The following SYNPR variants were observed in gnomAD, a reference collection of about 807,000 sequenced individuals.
SYNPR encodes synaptoporin.
Under a neutral mutation model 32.9 loss-of-function variants are expected in SYNPR, and 23 were observed. The ratio of observed to expected loss-of-function variants is 0.70; its 90% CI spans 0.50 to 0.99. SYNPR has a LOEUF of 0.99. Among genes scored for constraint, SYNPR ranks in the 50% least tolerant of loss-of-function variants. The pLI is 0.00. For synonymous variants in SYNPR, 146 were observed against 135.9 expected (o/e 1.07, Z -0.52); for missense variants, 318 against 349.3 (o/e 0.91, Z 0.71).
chr3:63,317,180 T>G (rs1282959309), intron 2 of SYNPR, among the ~76,000 whole-genome samples: 2 of 152,068 alleles, frequency 1.3e-5, no homozygotes, highest in Non-Finnish European at 1.5e-5. Context: ...GAAAGTTCCA[T>G]GCACTGTTGA....
intron 3 of SYNPR, among the ~76,000 whole-genome samples, chr3:63,529,284 A>T (rs2106786007): frequency 6.6e-6 from 1 of 152,362 alleles, no homozygotes; most frequent in East Asian, 1.9e-4. Context: ...GATTACTTAT[A>T]ATAGTAAATG....
chr3:63,419,699 G>C (rs766335417), intron 2 of SYNPR, among the ~76,000 whole-genome samples: 1 of 152,196 alleles, frequency 6.6e-6, no homozygotes, highest in Non-Finnish European at 1.5e-5. Flanking sequence ...GTTGCCCCAT[G>C]AAGTGGGTCA....
chr3:63,573,046 T>A (rs1200685657), intron 4 of SYNPR, among the ~76,000 whole-genome samples: 1 of 151,944 alleles, frequency 6.6e-6, no homozygotes, highest in East Asian at 1.9e-4. Context: ...CCTCAGGGAG[T>A]CAGCAAAGAA....
intron 2 of SYNPR, among the ~76,000 whole-genome samples, chr3:63,332,680 G>T (rs1337571656): frequency 6.6e-6 from 1 of 152,134 alleles, no homozygotes; most frequent in African/African-American, 2.4e-5. Flanking sequence ...CTGGAATATA[G>T]GTTCCATCAT....
At chr3:63,278,603 C>T in intron 1 of SYNPR, 52 bp downstream of exon 1, 1 of 1,550,460 alleles carries the variant, frequency 6.4e-7, no homozygotes, top group Non-Finnish European at 8.7e-7. Flanking sequence ...GCGGGGGATG[C>T]CGCGGCTTGG....
At chr3:63,280,239 T>G (rs1275658274) in intron 2 of SYNPR, among the ~76,000 whole-genome samples, 1 of 152,202 alleles carries the variant, frequency 6.6e-6, no homozygotes, top group Non-Finnish European at 1.5e-5. Flanking sequence ...CCATTGTTCC[T>G]CACACAGCCT....
At chr3:63,533,826 C>G (rs1575696776) in intron 3 of SYNPR, among the ~76,000 whole-genome samples, 1 of 152,228 alleles carries the variant, frequency 6.6e-6, no homozygotes, top group East Asian at 1.9e-4. Context: ...CGAATAGACC[C>G]TTCCATAAAA....
At chr3:63,448,459 C>T (rs1700319870) in intron 2 of SYNPR, among the ~76,000 whole-genome samples, 1 of 152,208 alleles carries the variant, frequency 6.6e-6, no homozygotes, top group Non-Finnish European at 1.5e-5. Flanking sequence ...GCAAGGACTT[C>T]TTAAGTCACC....
chr3:63,269,163 T>C (rs373485682), intron 3 of SYNPR, among the ~76,000 whole-genome samples: 10 of 152,298 alleles, frequency 6.6e-5, no homozygotes, highest in African/African-American at 2.4e-4. Flanking sequence ...GGAGTTCAAG[T>C]TGAAACAAAT....
At chr3:63,279,965 A>T (rs943894197) in intron 2 of SYNPR, among the ~76,000 whole-genome samples, 1 of 152,222 alleles carries the variant, frequency 6.6e-6, no homozygotes, top group Non-Finnish European at 1.5e-5. Context: ...ACAAGCAAGC[A>T]ATCCTCACAG....
chr3:63,220,252 A>C, the SYNPR span, among the ~76,000 whole-genome samples: 1 of 152,258 alleles, frequency 6.6e-6, no homozygotes, highest in Non-Finnish European at 1.5e-5. Flanking sequence ...AGAAAGAAAG[A>C]AAAACAGTCA....
chr3:63,585,885 A>C (rs1019353767), intron 4 of SYNPR, among the ~76,000 whole-genome samples: 1 of 152,146 alleles, frequency 6.6e-6, no homozygotes, highest in Non-Finnish European at 1.5e-5. Context: ...GAAGTAACAT[A>C]ACTGAGCCTA....
intron 3 of SYNPR, among the ~76,000 whole-genome samples, chr3:63,546,596 C>T (rs758035692): frequency 1.3e-5 from 2 of 151,904 alleles, no homozygotes; most frequent in Non-Finnish European, 2.9e-5. Flanking sequence ...TTGCATTTTC[C>T]AGTGTCTAGC....
intron 4 of SYNPR, among the ~76,000 whole-genome samples, chr3:63,575,575 G>C (rs1222537881): frequency 6.6e-6 from 1 of 152,090 alleles, no homozygotes; most frequent in African/African-American, 2.4e-5. Flanking sequence ...GGGATTGTGG[G>C]GAAAAGCTTT....
At chr3:63,399,839 C>G (rs1184271859) in intron 2 of SYNPR, among the ~76,000 whole-genome samples, 8 of 152,230 alleles carry the variant, frequency 5.3e-5, no homozygotes, top group African/African-American at 1.4e-4. Context: ...ACGTAACTTT[C>G]TCTGGCTGAT....
intron 2 of SYNPR, among the ~76,000 whole-genome samples, chr3:63,412,307 G>C (rs1022519209): frequency 6.6e-6 from 1 of 152,116 alleles, no homozygotes; most frequent in African/African-American, 2.4e-5. Context: ...TTCAGGAAGA[G>C]TATTGCACTG....
chr3:63,466,070 C>A (rs1700672041), intron 2 of SYNPR, among the ~76,000 whole-genome samples: 1 of 152,160 alleles, frequency 6.6e-6, no homozygotes, highest in Non-Finnish European at 1.5e-5. Flanking sequence ...ACTCTCTACT[C>A]TCTGAAAGGA....
intron 3 of SYNPR, among the ~76,000 whole-genome samples, chr3:63,497,472 T>G (rs937597513): frequency 6.6e-6 from 1 of 152,126 alleles, no homozygotes; most frequent in African/African-American, 2.4e-5. Context: ...TCCTTCAATA[T>G]TCTTCTAAGT....
intron 2 of SYNPR, among the ~76,000 whole-genome samples, chr3:63,360,947 G>C (rs1215985275): frequency 6.6e-6 from 1 of 152,118 alleles, no homozygotes; most frequent in Non-Finnish European, 1.5e-5. Flanking sequence ...ACTCCATGAA[G>C]GCAGGAGATA....
Sources: allele counts gnomAD v4.1 joint callset (sites outside exome capture counted in the v4.1 genomes callset), GRCh38; gene constraint gnomAD v4.1.1; transcripts MANE v1.5; gene names NCBI Gene and HGNC (gene_info 2026-07-23, HGNC 2026-07-21).